SLC39A14: variants seen among roughly 807,000 people sequenced by gnomAD.
The protein encoded by SLC39A14 is solute carrier family 39 member 14, also known as metal cation symporter ZIP14.
SLC39A14 carries 19 observed loss-of-function variants against 45.5 expected under a neutral mutation model. The ratio of observed to expected loss-of-function variants is 0.42; its 90% CI spans 0.29 to 0.61. The LOEUF is 0.61. SLC39A14 is among the 20% of genes least tolerant of loss of function. The pLI is 0.22. For missense variants in SLC39A14, 447 were observed against 616.5 expected (o/e 0.73, Z 2.91); for synonymous variants, 264 against 251.3 (o/e 1.05, Z -0.48).
At chr8:22,418,863 A>G (rs1024658836) in intron 8 of SLC39A14, among the ~76,000 whole-genome samples, 1 of 152,042 alleles carries the variant, frequency 6.6e-6, no homozygotes, top group African/African-American at 2.4e-5. Flanking sequence ...AAGACCTCTT[A>G]AAGTGTTTAA....
downstream of SLC39A14, among the ~76,000 whole-genome samples, chr8:22,427,631 T>C (rs1244796696): frequency 1.3e-5 from 2 of 152,170 alleles, no homozygotes; most frequent in African/African-American, 4.8e-5. Context: ...AGCCATTGTC[T>C]GGTTGTATTC....
At chr8:22,399,817 A>G (rs900585386) in intron 1 of SLC39A14, among the ~76,000 whole-genome samples, 1 of 152,264 alleles carries the variant, frequency 6.6e-6, no homozygotes, top group African/African-American at 2.4e-5. Context: ...CAGCCAGGCA[A>G]AGCTGCTAAA....
intron 3 of SLC39A14, among the ~76,000 whole-genome samples, chr8:22,411,622 G>T (rs1835572994): frequency 6.6e-6 from 1 of 152,194 alleles, no homozygotes; most frequent in Non-Finnish European, 1.5e-5. Context: ...GAGCCCTCGA[G>T]TCCAAAGTCT....
In SLC39A14 at chr8:22,422,239, C is replaced by G; in HGVS notation, c.*2541C>G. Reference sequence around the variant, plus strand: ...ATAAGTTAGCAAGGAAAGTGTATGTCACGTGCAGGAACAGTGAGGCAGGGA... The same window carrying G: ...ATAAGTTAGCAAGGAAAGTGTATGTGACGTGCAGGAACAGTGAGGCAGGGA... On this transcript the variant is annotated 3_prime_UTR_variant, in exon 9 of 9. Coordinates refer to ENST00000381237, the MANE Select transcript of SLC39A14 (RefSeq NM_001128431.4). 1.0e-6 allele frequency: 1 copy of G among 985,488 alleles called. No individual in the cohort carries two copies. The highest frequency in any genetic ancestry group is 1.2e-6 in the Non-Finnish European group (1 of 829,934). The allele number at this position is 985,488 out of a possible 1,614,324, so 61.0% of individuals were successfully genotyped here. A position where few individuals can be genotyped will look rare whatever the true frequency, so the allele number is the denominator to read the frequency against.
intron 4 of SLC39A14, 98 bp from the exon 5 acceptor site, chr8:22,414,682 C>T (rs1835769789): frequency 3.0e-6 from 4 of 1,311,936 alleles, no homozygotes; most frequent in Non-Finnish European, 4.2e-6. Context: ...ATGCCTCTCT[C>T]CTTTCCTAGA....
chr8:22,382,371 T>C (rs575171723), intron 1 of SLC39A14, among the ~76,000 whole-genome samples: 2 of 152,276 alleles, frequency 1.3e-5, no homozygotes, highest in South Asian at 4.1e-4. Flanking sequence ...AGTGGGAGTA[T>C]GGAACTAGTT....
rs973430448 is a variant in SLC39A14 at position 22,398,638 on chromosome 8, C to T, written c.-15-6058C>T. 19 of 837,312 alleles carry T rather than the reference C, an allele frequency of 2.3e-5. No individual in the cohort carries two copies. In the African/African-American group the frequency reaches 3.5e-4, roughly 15 times the overall value. The allele number at this position is 837,312 out of a possible 1,614,324, so 51.9% of individuals were successfully genotyped here. ...TGCCTGTTCTCATATCTATGCCCAA[C>T]CTCTAGACCCAGCGTCACAGAAGTG... On this transcript the variant is annotated intron_variant, in intron 1 of 8. Transcript: ENST00000381237.
intron 8 of SLC39A14, among the ~76,000 whole-genome samples, chr8:22,427,762 G>A (rs1326906580): frequency 6.6e-6 from 1 of 152,224 alleles, no homozygotes; most frequent in African/African-American, 2.4e-5. Flanking sequence ...GAGAACAGGA[G>A]AGAGAGATGG....
chr8:22,401,543 C>CTTTTTTTTTTTTTTTTTTTTTT (rs71544899), intron 1 of SLC39A14, among the ~76,000 whole-genome samples: 2 of 84,054 alleles, frequency 2.4e-5, no homozygotes, highest in East Asian at 4.1e-4. Flanking sequence ...TCTTCTCTTT[C>CTTTTTTTTTTTTTTTTTTTTTT]TTTTTTTTTT....
At chr8:22,424,856 C>G (rs1309391879), downstream of SLC39A14, among the ~76,000 whole-genome samples, 1 of 151,994 alleles carries the variant, frequency 6.6e-6, no homozygotes, top group African/African-American at 2.4e-5. Flanking sequence ...GTGTGAAACC[C>G]TATCTCTACT....
chr8:22,433,578 C>G (rs556539151), intron 8 of SLC39A14, among the ~76,000 whole-genome samples: 24 of 138,088 alleles, frequency 1.7e-4, no homozygotes, highest in African/African-American at 6.3e-4. Context: ...GGGTCTCACT[C>G]TGTCACCAAG....
intron 4 of SLC39A14, among the ~76,000 whole-genome samples, chr8:22,413,669 A>C (rs1368746256): frequency 6.6e-6 from 1 of 152,160 alleles, no homozygotes; most frequent in Non-Finnish European, 1.5e-5. Context: ...AAGTTTATTC[A>C]AGGCCCGTTT....
intron 1 of SLC39A14, among the ~76,000 whole-genome samples, chr8:22,387,351 G>A (rs1833846226): frequency 6.6e-6 from 1 of 152,144 alleles, no homozygotes; most frequent in African/African-American, 2.4e-5. Flanking sequence ...ACCCAGAAAG[G>A]AGCCTGTCCG....
At chr8:22,394,439 C>T (rs1018114262) in intron 1 of SLC39A14, among the ~76,000 whole-genome samples, 2 of 151,574 alleles carry the variant, frequency 1.3e-5, no homozygotes, top group Non-Finnish European at 1.5e-5. Context: ...CCTGCCTCAA[C>T]CTCCCAAGTA....
At chr8:22,371,478 G>A (rs1443841926) in intron 1 of SLC39A14, among the ~76,000 whole-genome samples, 3 of 107,010 alleles carry the variant, frequency 2.8e-5, no homozygotes, top group Non-Finnish European at 5.5e-5. Flanking sequence ...CTGTCGCCCA[G>A]GCTGGAGTGC....
At position 22,420,669 on chromosome 8, in the gene SLC39A14, A is replaced by G. The variant is rs564768266; in HGVS notation, c.*971A>G. 4.5e-5 allele frequency: 44 copies of G among 985,408 alleles called. No individual in the cohort carries two copies. In the African/African-American group the frequency reaches 7.0e-4, roughly 16 times the overall value. The allele number at this position is 985,408 out of a possible 1,614,324, so 61.0% of individuals were successfully genotyped here. ...CAGAGTGGCAAGCTGACTTGTAGAA[A>G]TGGGGTGCCATTTATGCTCTACTTA... On this transcript the variant is annotated 3_prime_UTR_variant, in exon 9 of 9. Transcript: ENST00000381237.
intron 3 of SLC39A14, among the ~76,000 whole-genome samples, chr8:22,410,742 C>T (rs1440224925): frequency 6.6e-6 from 1 of 152,166 alleles, no homozygotes; most frequent in Non-Finnish European, 1.5e-5. Context: ...CTTCCTGGTA[C>T]CTTGACTTGA....
chr8:22,368,539 GT>G (rs1832764557), intron 1 of SLC39A14, among the ~76,000 whole-genome samples: 1 of 24,744 alleles, frequency 4.0e-5, no homozygotes, highest in Non-Finnish European at 6.6e-5. Context: ...TTATTTTATT[GT>G]ATTTTATTTT....
At chr8:22,370,632 G>T (rs1269057347) in intron 1 of SLC39A14, among the ~76,000 whole-genome samples, 2 of 152,180 alleles carry the variant, frequency 1.3e-5, no homozygotes, top group South Asian at 2.1e-4. Flanking sequence ...TTCTATTTTT[G>T]ATCCTAAATG....
Sources: allele counts gnomAD v4.1 joint callset (sites outside exome capture counted in the v4.1 genomes callset), GRCh38; gene constraint gnomAD v4.1.1; transcripts MANE v1.5; gene names NCBI Gene and HGNC (gene_info 2026-07-23, HGNC 2026-07-21).